VSTM2B: variants seen among roughly 807,000 people sequenced by gnomAD.
VSTM2B encodes the protein V-set and transmembrane domain containing 2B.
Under a neutral mutation model 24.0 loss-of-function variants are expected in VSTM2B, and 24 were observed. That is an observed-to-expected ratio of 1.00 (90% CI 0.72 to 1.40). The LOEUF is 1.40. VSTM2B is among the 40% of genes most tolerant of loss of function. The pLI, the probability that VSTM2B is intolerant of heterozygous loss-of-function variation, is 0.00. For missense variants in VSTM2B, 399 were observed against 416.4 expected (o/e 0.96, Z 0.36); for synonymous variants, 226 against 194.4 (o/e 1.16, Z -1.35).
intron 4 of VSTM2B, among the ~76,000 whole-genome samples, chr19:29,545,755 A>T (rs1401980752): frequency 6.6e-6 from 1 of 152,082 alleles, no homozygotes; most frequent in African/African-American, 2.4e-5. Context: ...GGTTGGTTCC[A>T]TGTGTTTGCT....
chr19:29,551,268 G>A (rs1970279604), intron 4 of VSTM2B, among the ~76,000 whole-genome samples: 1 of 152,224 alleles, frequency 6.6e-6, no homozygotes, highest in Non-Finnish European at 1.5e-5. Context: ...TCACAGGCTT[G>A]GGCAGAGCTT....
At chr19:29,556,159 A>G (rs1970403596) in intron 4 of VSTM2B, among the ~76,000 whole-genome samples, 1 of 152,322 alleles carries the variant, frequency 6.6e-6, no homozygotes, top group South Asian at 2.1e-4. Flanking sequence ...CGATGCAAAA[A>G]TACTCAATAA....
chr19:29,539,812 C>A (rs1017153033), intron 4 of VSTM2B, among the ~76,000 whole-genome samples: 1 of 152,230 alleles, frequency 6.6e-6, no homozygotes, highest in Admixed American at 6.5e-5. Flanking sequence ...AGCAGGCTGC[C>A]GGCCAGGCCA....
intron 2 of VSTM2B, among the ~76,000 whole-genome samples, chr19:29,527,597 G>T (rs1439110120): frequency 3.3e-5 from 5 of 152,208 alleles, no homozygotes; most frequent in African/African-American, 9.7e-5. Context: ...TGACAGCATC[G>T]CTGTTCCCAC....
At chr19:29,560,833 C>T (rs1970507394) in intron 4 of VSTM2B, among the ~76,000 whole-genome samples, 1 of 152,156 alleles carries the variant, frequency 6.6e-6, no homozygotes, top group African/African-American at 2.4e-5. Flanking sequence ...GCCAACGGTC[C>T]CATGGGGCAC....
intron 4 of VSTM2B, among the ~76,000 whole-genome samples, chr19:29,541,535 A>C (rs1970017198): frequency 6.6e-6 from 1 of 151,778 alleles, no homozygotes; most frequent in South Asian, 2.1e-4. Flanking sequence ...TGAATTGGAG[A>C]ATTAATAGAT....
intron 4 of VSTM2B, among the ~76,000 whole-genome samples, chr19:29,554,950 C>T (rs10405510): frequency 0.088 from 13,333 of 152,068 alleles, 1,216 homozygotes; most frequent in African/African-American, 0.23. Context: ...ACTTAGACTC[C>T]CACACAATAA....
chr19:29,564,162 G>T lies in VSTM2B; in HGVS notation c.*228G>T. 8 of 466,032 alleles carry T rather than the reference G, an allele frequency of 1.7e-5. No homozygotes were observed. Among genetic ancestry groups the T allele is most frequent in the Non-Finnish European group, 2.7e-5 (7 of 258,596 alleles). 28.9% of individuals were successfully genotyped at this position (466,032 alleles called of 1,614,324 possible). ...AGTTTGGCCCATGCAGTCTGCATGGGAATCAATGATTTCTCTACTTCAATG... is the reference window on the plus strand; with the variant it reads ...AGTTTGGCCCATGCAGTCTGCATGGTAATCAATGATTTCTCTACTTCAATG... On this transcript the variant is annotated 3_prime_UTR_variant, in exon 5 of 5. Transcript: ENST00000335523.
chr19:29,537,278 T>G lies in VSTM2B; in HGVS notation c.769+6988T>G, dbSNP rs146828234. On this transcript the variant is annotated intron_variant, in intron 4 of 4. Coordinates refer to ENST00000335523, the MANE Select transcript of VSTM2B (RefSeq NM_001146339.2). ...GGCTTTGGTGCTCTCAGGGAAGATG[T>G]GCTATAAATACCAAGATGGAGGATC... Among the ~76,000 whole-genome samples the G allele has an allele frequency of 6.3e-3, 963 of 152,280 alleles. 12 individuals carry two copies. Among genetic ancestry groups the G allele is most frequent in the African/African-American group, 0.022 (906 of 41,556 alleles).
chr19:29,553,921 A>G (rs73029489), intron 4 of VSTM2B, among the ~76,000 whole-genome samples: 1,607 of 152,342 alleles, frequency 0.011, 26 homozygotes, highest in Non-Finnish European at 0.011. Context: ...CTATGGGATT[A>G]TGTAGAAAGA....
intron 4 of VSTM2B, among the ~76,000 whole-genome samples, chr19:29,539,554 C>T (rs1266204546): frequency 6.6e-6 from 1 of 152,192 alleles, no homozygotes; most frequent in Non-Finnish European, 1.5e-5. Flanking sequence ...GTGAGAGCCA[C>T]CTATGTCAGG....
At chr19:29,527,494 G>T in intron 2 of VSTM2B, 99 bp downstream of exon 2, 1 of 1,133,270 alleles carries the variant, frequency 8.8e-7, no homozygotes, top group Non-Finnish European at 1.2e-6. Context: ...ACTCGCGCAG[G>T]GCGCCGCCCT....
rs775696460 is a variant in VSTM2B, at chr19:29,526,570, GC to G, written c.-8del. On this transcript the variant is annotated 5_prime_UTR_variant, in exon 1 of 5. Transcript: ENST00000335523. The surrounding 1 kb of genome is among the most constrained non-coding windows in gnomAD (Gnocchi z 4.1). ...GCTCCCGGGCCCCCGCCGCCACCGC[GC>G]CCCCCGCGGGAGATGGAACAGCGGA... 6 of 1,501,612 alleles carry G rather than the reference GC, an allele frequency of 4.0e-6. No individual in the cohort carries two copies. Among genetic ancestry groups the G allele is most frequent in the Admixed American group, 2.1e-5 (1 of 48,192 alleles). The allele number at this position is 1,501,612 out of a possible 1,614,324, so 93.0% of individuals were successfully genotyped here.
intron 4 of VSTM2B, among the ~76,000 whole-genome samples, chr19:29,537,321 G>GCTGCT (rs1418350001): frequency 2.6e-5 from 4 of 152,146 alleles, no homozygotes; most frequent in Non-Finnish European, 5.9e-5. Context: ...GCCTCCTGTG[G>GCTGCT]GTTAGGGTGT....
chr19:29,553,261 T>A (rs1011081248), intron 4 of VSTM2B, among the ~76,000 whole-genome samples: 3 of 152,224 alleles, frequency 2.0e-5, no homozygotes, highest in African/African-American at 7.2e-5. Context: ...CCATCTTTGC[T>A]GTTCTGTAGC....
intron 2 of VSTM2B, among the ~76,000 whole-genome samples, chr19:29,527,980 A>G (rs996580985): frequency 3.3e-5 from 5 of 152,038 alleles, no homozygotes; most frequent in Admixed American, 6.5e-5. Flanking sequence ...ACACCTACAC[A>G]CACCTACATT....
intron 4 of VSTM2B, among the ~76,000 whole-genome samples, chr19:29,551,866 C>T (rs1301880269): frequency 1.3e-5 from 2 of 152,176 alleles, no homozygotes; most frequent in Non-Finnish European, 1.5e-5. Flanking sequence ...GCACACAACC[C>T]CCAGGAACAC....
chr19:29,530,262 G>C lies in VSTM2B; in HGVS notation c.741G>C (p.Ala247=), dbSNP rs1167411515. The C allele has an allele frequency of 2.0e-6, 3 of 1,502,164 alleles. No homozygotes were observed. The highest frequency in any genetic ancestry group is 2.6e-6 in the Non-Finnish European group (3 of 1,132,834). The allele number at this position is 1,502,164 out of a possible 1,614,324, so 93.1% of individuals were successfully genotyped here. A position where few individuals can be genotyped will look rare whatever the true frequency, so the allele number is the denominator to read the frequency against. ...CAGCGTCGCCGCCATCGGGACAGGC[G>C]GTCCTGCTGCGCCAGAGGCACGGCT... The part of the protein sequence containing the change: ...ASSASPPSGQ[A]VLLRQRHGSG... The change falls in exon 4 of 5, where the codon GCG becomes GCC. Residue 247 remains alanine (A), a synonymous_variant. Coordinates refer to ENST00000335523, the MANE Select transcript of VSTM2B (RefSeq NM_001146339.2).
intron 2 of VSTM2B, among the ~76,000 whole-genome samples, chr19:29,528,223 G>T (rs1373934639): frequency 1.3e-5 from 2 of 152,184 alleles, no homozygotes; most frequent in Admixed American, 1.3e-4. Context: ...GCAGCCACCC[G>T]TTGGTCAGGC....
Sources: gnomAD v4.1 joint callset for allele counts (sites outside exome capture counted in the v4.1 genomes callset) on GRCh38, gnomAD v4.1.1 for gene constraint, Gnocchi (gnomAD v3.1) non-coding constraint, MANE v1.5 for transcripts, NCBI Gene and HGNC (gene_info 2026-07-23, HGNC 2026-07-21) for gene names.